Variants in TAF1B observed in about 807,000 individuals in gnomAD.
TAF1B encodes the protein TATA box-binding protein-associated factor RNA polymerase I subunit B.
Under a neutral mutation model 83.9 loss-of-function variants are expected in TAF1B, and 61 were observed. That is an observed-to-expected ratio of 0.73 (90% CI 0.59 to 0.90). The LOEUF (loss-of-function observed/expected upper bound fraction) is 0.90. TAF1B is among the 40% of genes least tolerant of loss of function. The pLI is 0.00. For synonymous variants in TAF1B, 221 were observed against 224.6 expected (o/e 0.98, Z 0.14); for missense variants, 625 against 677.0 (o/e 0.92, Z 0.85).
At chr2:9,861,764 C>G (rs1159025363) in intron 5 of TAF1B, among the ~76,000 whole-genome samples, 2 of 152,190 alleles carry the variant, frequency 1.3e-5, no homozygotes, top group African/African-American at 4.8e-5. Context: ...GAGGAACGAT[C>G]AGGCAGCAGC....
intron 5 of TAF1B, among the ~76,000 whole-genome samples, chr2:9,861,269 G>A (rs893628983): frequency 5.3e-5 from 8 of 152,232 alleles, no homozygotes; most frequent in African/African-American, 7.2e-5. Context: ...CTTTTCGAAC[G>A]GGCTTAACAA....
intron 8 of TAF1B, among the ~76,000 whole-genome samples, chr2:9,902,129 G>T (rs1230285010): frequency 6.6e-6 from 1 of 151,886 alleles, no homozygotes; most frequent in South Asian, 2.1e-4. Flanking sequence ...AAAATTAACA[G>T]TGTAATTGTC....
chr2:9,876,112 T>A, intron 7 of TAF1B, 94 bp downstream of exon 7: 2 of 1,315,890 alleles, frequency 1.5e-6, no homozygotes, highest in Non-Finnish European at 2.1e-6. Flanking sequence ...TAAGAAGGCT[T>A]AACTTGAGGA....
intron 10 of TAF1B, 38 bp from the exon 11 acceptor site, chr2:9,911,473 A>G: frequency 7.0e-7 from 1 of 1,426,112 alleles, no homozygotes; most frequent in Non-Finnish European, 9.5e-7. Flanking sequence ...CAAATACATG[A>G]CTTCTAAATA....
At chr2:9,861,762 A>G (rs1663771493) in intron 5 of TAF1B, among the ~76,000 whole-genome samples, 1 of 152,212 alleles carries the variant, frequency 6.6e-6, no homozygotes, top group African/African-American at 2.4e-5. Context: ...CAGAGGAACG[A>G]TCAGGCAGCA....
chr2:9,853,277 G>C (rs893840815), intron 4 of TAF1B, among the ~76,000 whole-genome samples: 2 of 152,148 alleles, frequency 1.3e-5, no homozygotes, highest in Non-Finnish European at 2.9e-5. Context: ...ATGTACACAG[G>C]CTCCAGAATC....
chr2:9,919,309 A>G (rs1372419497), intron 13 of TAF1B, among the ~76,000 whole-genome samples, 198 bp downstream of exon 13: 1 of 152,246 alleles, frequency 6.6e-6, no homozygotes, highest in Non-Finnish European at 1.5e-5. Context: ...GTCGTTCTTC[A>G]AAACAGAGCC....
rs572106566 is a variant in TAF1B, at chr2:9,879,972, G to T, written c.708-2734G>T. The stretch of plus-strand genomic sequence containing the variant: ...TGGAAGATTGCAGCAGGAGAGATAC[G>T]ATCTGATTGATGTTTTTAAAAGATC... On this transcript the variant is annotated intron_variant, in intron 7 of 14. Coordinates refer to ENST00000263663, the MANE Select transcript of TAF1B (RefSeq NM_005680.3). Among the ~76,000 whole-genome samples the T allele has an allele frequency of 8.5e-5, 13 of 152,184 alleles. No individual in the cohort carries two copies. In the South Asian group the frequency reaches 1.0e-3, roughly 12 times the overall value.
chr2:9,889,439 C>G (rs1664795949), intron 8 of TAF1B, among the ~76,000 whole-genome samples: 1 of 151,978 alleles, frequency 6.6e-6, no homozygotes, highest in Non-Finnish European at 1.5e-5. Context: ...CTGGAACTTG[C>G]ATTTTAGTCT....
chr2:9,854,407 G>C lies in TAF1B; in HGVS notation c.385G>C (p.Gly129Arg). The C allele has an allele frequency of 6.2e-7, 1 of 1,613,468 alleles. No homozygotes were observed. The highest frequency in any genetic ancestry group is 8.5e-7 in the Non-Finnish European group (1 of 1,179,542). ...TTGTAAGAACCCAGTTTATACCACT[G>C]GAAGGAAACCTACGGTAAGTCACAA... is the stretch of plus-strand genomic sequence containing the variant. ...AYCKNPVYTT[G>R]RKPTVLEDNL... The change falls in exon 5 of 15, where the codon GGA (glycine) becomes CGA (arginine). Residue 129 changes from glycine (G) to arginine (R), a missense_variant. Transcript: ENST00000263663.
intron 13 of TAF1B, 107 bp downstream of exon 13, chr2:9,919,218 C>G (rs1164494144): frequency 1.3e-5 from 12 of 910,384 alleles, no homozygotes; most frequent in Non-Finnish European, 2.1e-5. Context: ...TTTTTTTAAA[C>G]AAATGTTCCA....
chr2:9,870,557 T>C (rs1664136015), intron 6 of TAF1B, among the ~76,000 whole-genome samples: 2 of 152,218 alleles, frequency 1.3e-5, no homozygotes, highest in East Asian at 1.9e-4. Context: ...TTTTCAACTC[T>C]TTTGTGACTT....
At chr2:9,889,800 C>G (rs998866387) in intron 8 of TAF1B, among the ~76,000 whole-genome samples, 12 of 151,974 alleles carry the variant, frequency 7.9e-5, no homozygotes, top group African/African-American at 2.7e-4. Context: ...TTTTCTGGGA[C>G]TATTTTAGCC....
intron 8 of TAF1B, among the ~76,000 whole-genome samples, chr2:9,884,141 A>G (rs1664597562): frequency 6.6e-6 from 1 of 152,222 alleles, no homozygotes; most frequent in Non-Finnish European, 1.5e-5. Context: ...AGGTGCCAGC[A>G]TGATTGCCAG....
At chr2:9,886,203 T>C (rs1258666516) in intron 8 of TAF1B, among the ~76,000 whole-genome samples, 1 of 144,146 alleles carries the variant, frequency 6.9e-6, no homozygotes, top group African/African-American at 2.4e-5. Flanking sequence ...ATCAAGCTGT[T>C]TGGATCAAAA....
At chr2:9,923,738 C>G (rs1402111109) in intron 14 of TAF1B, among the ~76,000 whole-genome samples, 3 of 152,136 alleles carry the variant, frequency 2.0e-5, no homozygotes, top group African/African-American at 7.2e-5. Flanking sequence ...GGGGAAAGGC[C>G]AGAACCCCAA....
At chr2:9,867,295 G>A (rs1664015167) in intron 5 of TAF1B, among the ~76,000 whole-genome samples, 1 of 152,132 alleles carries the variant, frequency 6.6e-6, no homozygotes, top group Admixed American at 6.5e-5. Flanking sequence ...GAAGAATCAG[G>A]CAGAGGCAGA....
At position 9,914,611 on chromosome 2, in the gene TAF1B, GT is replaced by G. The variant is rs1665628130; in HGVS notation, c.1271+1364del. Among the ~76,000 whole-genome samples the G allele has an allele frequency of 6.6e-6, 1 of 152,158 alleles. No homozygotes were observed. The highest frequency in any genetic ancestry group is 2.4e-5 in the African/African-American group (1 of 41,428). ...TGGAGGCCCAGTTCATTATTGCAGT[GT>G]TATGTCAGTTGCACATTTAAGACTT... On this transcript the variant is annotated intron_variant, in intron 12 of 14. Transcript: ENST00000263663. The surrounding 1 kb of genome is among the most constrained non-coding windows in gnomAD (Gnocchi z 4.3).
intron 5 of TAF1B, among the ~76,000 whole-genome samples, chr2:9,866,156 A>G (rs1267175258): frequency 6.0e-5 from 9 of 150,684 alleles, no homozygotes; most frequent in Admixed American, 1.3e-4. Context: ...GGCAACCTAC[A>G]GAATGGGAGA....
Sources: allele counts gnomAD v4.1 joint callset (sites outside exome capture counted in the v4.1 genomes callset), GRCh38; gene constraint gnomAD v4.1.1; non-coding constraint Gnocchi (gnomAD v3.1); transcripts MANE v1.5; gene names NCBI Gene and HGNC (gene_info 2026-07-23, HGNC 2026-07-21).